FAM193B: variants seen among roughly 807,000 people sequenced by gnomAD.
FAM193B encodes protein FAM193B.
In FAM193B, 27 loss-of-function variants were observed where a neutral mutation model predicts 70.7. That is an observed-to-expected ratio of 0.38 (90% CI 0.28 to 0.53). The LOEUF (loss-of-function observed/expected upper bound fraction) is 0.53, where lower values mean the gene tolerates loss of function less well. FAM193B is among the 20% of genes least tolerant of loss of function. FAM193B has a pLI of 0.81. For synonymous variants in FAM193B, 448 were observed against 436.0 expected (o/e 1.03, Z -0.34); for missense variants, 1,022 against 1,072.5 (o/e 0.95, Z 0.66).
Position 177,554,515 on chromosome 5 carries a change from G to A in FAM193B, c.-57C>T. The A allele has an allele frequency of 1.1e-6, 1 of 907,484 alleles. No individual in the cohort carries two copies. Among genetic ancestry groups the A allele is most frequent in the Non-Finnish European group, 1.3e-6 (1 of 756,210 alleles). 56.2% of individuals were successfully genotyped at this position (907,484 alleles called of 1,614,324 possible). On this transcript the variant is annotated 5_prime_UTR_variant, in exon 1 of 9. Coordinates refer to ENST00000514747, the MANE Select transcript of FAM193B (RefSeq NM_001190946.3). ...CGCCGCCGCCGCCGCCGCCGCCGCC[G>A]CCGCCGCCGCCGCCGCTACCGCTCC...
Position 177,532,493 on chromosome 5 carries a change from C to T in FAM193B, c.1225G>A (p.Asp409Asn). The T allele has an allele frequency of 6.2e-7, 1 of 1,611,890 alleles. No individual in the cohort carries two copies. Among genetic ancestry groups the T allele is most frequent in the Non-Finnish European group, 8.5e-7 (1 of 1,179,208 alleles). ...TAGCAGCAGTCACAGAACTTCCCAT[C>T]TCTCTGGTGGGTGGAGGATGAGGTG... ...SCTSSSTHQRDGKFCDCCYCE... is the reference protein window; with the variant it reads ...SCTSSSTHQRNGKFCDCCYCE... Residue 409 changes from aspartate (D) to asparagine (N), a missense_variant, in exon 5 of 9, where the codon GAT becomes AAT. Transcript: ENST00000514747. The surrounding 1 kb of genome is among the most constrained non-coding windows in gnomAD (Gnocchi z 4.9).
At chr5:177,533,392 C>T (rs1167064366) in intron 4 of FAM193B, among the ~76,000 whole-genome samples, 4 of 151,782 alleles carry the variant, frequency 2.6e-5, no homozygotes, top group African/African-American at 9.7e-5. Flanking sequence ...GCAAACTCCG[C>T]CTCCCAGGTT....
chr5:177,531,856 T>C (rs1329851806), intron 5 of FAM193B: 6 of 1,169,160 alleles, frequency 5.1e-6, no homozygotes, highest in Non-Finnish European at 5.4e-6. Context: ...AAAATGAGGA[T>C]AATAACCCCT....
intron 5 of FAM193B, among the ~76,000 whole-genome samples, chr5:177,530,570 T>C (rs941644218): frequency 1.3e-5 from 2 of 152,228 alleles, no homozygotes; most frequent in Non-Finnish European, 2.9e-5. Flanking sequence ...GAGGTCTTCC[T>C]GCCTGGAATC....
chr5:177,537,791 G>T (rs1561773063), intron 3 of FAM193B, 82 bp downstream of exon 3: 2 of 1,480,860 alleles, frequency 1.4e-6, no homozygotes, highest in Non-Finnish European at 1.8e-6. Context: ...CCAGTCTTAT[G>T]ATTTGTTTGA....
chr5:177,550,126 G>A (rs895658381), intron 1 of FAM193B, among the ~76,000 whole-genome samples: 1 of 151,998 alleles, frequency 6.6e-6, no homozygotes. Context: ...GATAGCCTGG[G>A]CAACATAGCA....
chr5:177,535,228 T>C (rs1451664268), intron 4 of FAM193B, among the ~76,000 whole-genome samples: 2 of 152,222 alleles, frequency 1.3e-5, no homozygotes, highest in Non-Finnish European at 2.9e-5. Flanking sequence ...AACAGTAACA[T>C]GAATTGCGGT....
chr5:177,520,791 G>T (rs531414520), intron 8 of FAM193B, among the ~76,000 whole-genome samples: 152 of 152,312 alleles, frequency 1.0e-3, no homozygotes, highest in Admixed American at 3.9e-3. Flanking sequence ...CTTGGATCTG[G>T]AAGATACTTC....
In FAM193B at chr5:177,524,257, GT is replaced by G; in HGVS notation, c.2223del (p.Gln742ArgfsTer65). ...CGGCCCTTGCCCTGGGGCAAGCTCT[GT>G]GGCCTTGCTGGGCCTGAGGGCTGCA... ...ESVQPSGPARPQSLPQGKGRS... is the reference protein window; with the variant it reads ...ESVQPSGPARXQSLPQGKGRS... On this transcript the variant is annotated frameshift_variant, in exon 6 of 9. Transcript: ENST00000514747. LOFTEE classifies it high-confidence loss of function. The G allele has an allele frequency of 1.3e-6, 2 of 1,565,566 alleles. No homozygotes were observed. Among genetic ancestry groups the G allele is most frequent in the Non-Finnish European group, 1.7e-6 (2 of 1,156,836 alleles).
At chr5:177,539,393 T>C (rs1036319334) in intron 1 of FAM193B, 8 of 464,696 alleles carry the variant, frequency 1.7e-5, no homozygotes, top group Non-Finnish European at 2.7e-5. Flanking sequence ...TAGCGAGTGG[T>C]TGAACCCTAG....
intron 4 of FAM193B, among the ~76,000 whole-genome samples, chr5:177,534,598 G>A (rs1763959173): frequency 6.6e-6 from 1 of 151,904 alleles, no homozygotes; most frequent in South Asian, 2.1e-4. Context: ...CACCGCGCCT[G>A]GCCAGCAAAA....
At chr5:177,542,592 A>C (rs909560168) in intron 1 of FAM193B, among the ~76,000 whole-genome samples, 2 of 152,236 alleles carry the variant, frequency 1.3e-5, no homozygotes, top group African/African-American at 4.8e-5. Flanking sequence ...AGTTCCCAAA[A>C]TAATCTCTGC....
At chr5:177,523,185 A>T (rs1263968856) in intron 7 of FAM193B, 1 of 354,600 alleles carries the variant, frequency 2.8e-6, no homozygotes, top group Non-Finnish European at 5.8e-6. Flanking sequence ...TTTTTAGTAG[A>T]GACGGGGTTT....
At chr5:177,536,181 AG>A in intron 4 of FAM193B, 176 bp downstream of exon 4, 1 of 680,484 alleles carries the variant, frequency 1.5e-6, no homozygotes, top group South Asian at 1.9e-5. Flanking sequence ...CCAAAGCGCT[AG>A]GAGTATAGGT....
chr5:177,539,723 A>G (rs1467187816), intron 1 of FAM193B, among the ~76,000 whole-genome samples: 1 of 152,222 alleles, frequency 6.6e-6, no homozygotes, highest in Non-Finnish European at 1.5e-5. Context: ...GAGGGAAGGT[A>G]AGGCTCTGGT....
At chr5:177,533,303 G>A (rs1045319323) in intron 4 of FAM193B, among the ~76,000 whole-genome samples, 1 of 151,412 alleles carries the variant, frequency 6.6e-6, no homozygotes, top group African/African-American at 2.4e-5. Context: ...TTCTAGAGTC[G>A]GCATTTTTTT....
intron 1 of FAM193B, chr5:177,539,415 C>A: frequency 2.6e-6 from 1 of 386,334 alleles, no homozygotes; most frequent in Non-Finnish European, 4.7e-6. Context: ...GAGTCTGGCT[C>A]CAAAACTCAT....
intron 8 of FAM193B, among the ~76,000 whole-genome samples, chr5:177,521,759 G>C (rs1761778299): frequency 6.6e-6 from 1 of 152,162 alleles, no homozygotes; most frequent in Non-Finnish European, 1.5e-5. Context: ...TAATAGAACA[G>C]AGGCCTACAG....
At position 177,519,907 on chromosome 5, in the gene FAM193B, G is replaced by A. The variant is rs936124930; in HGVS notation, c.*276C>T. On this transcript the variant is annotated 3_prime_UTR_variant, in exon 9 of 9. Coordinates refer to ENST00000514747, the MANE Select transcript of FAM193B (RefSeq NM_001190946.3). ...AAAAAAACCAAACACAAAGAGAGCA[G>A]TGTTGGGCCAGCAGTACCATCAGCC... The A allele has an allele frequency of 6.6e-6, 1 of 152,294 alleles. No individual in the cohort carries two copies. Among genetic ancestry groups the A allele is most frequent in the African/African-American group, 2.4e-5 (1 of 41,454 alleles). The allele number at this position is 152,294 out of a possible 1,614,324, so 9.4% of individuals were successfully genotyped here. A position where few individuals can be genotyped will look rare whatever the true frequency, so the allele number is the denominator to read the frequency against.
Sources: gnomAD v4.1 joint callset for allele counts (sites outside exome capture counted in the v4.1 genomes callset) on GRCh38, gnomAD v4.1.1 for gene constraint, Gnocchi (gnomAD v3.1) non-coding constraint, MANE v1.5 for transcripts, NCBI Gene and HGNC (gene_info 2026-07-23, HGNC 2026-07-21) for gene names.